The following ERICH1 variants were observed in gnomAD, a reference collection of about 807,000 sequenced individuals.
ERICH1 encodes the protein glutamate-rich protein 1.
In ERICH1, 56 loss-of-function variants were observed where a neutral mutation model predicts 39.6. The ratio of observed to expected loss-of-function variants is 1.41; its 90% CI spans 1.14 to 1.77. The LOEUF (loss-of-function observed/expected upper bound fraction) is 1.77, where lower values mean the gene tolerates loss of function less well. Among genes scored for constraint, ERICH1 ranks in the 40% most tolerant of loss-of-function variants. The pLI is 0.00. For missense variants in ERICH1, 826 were observed against 575.4 expected (o/e 1.44, Z -4.45); for synonymous variants, 313 against 223.6 (o/e 1.40, Z -3.57).
chr8:730,345 G>A (rs917880188), intron 1 of ERICH1, among the ~76,000 whole-genome samples: 3 of 152,090 alleles, frequency 2.0e-5, no homozygotes, highest in African/African-American at 7.2e-5. Flanking sequence ...ACTATAGTTT[G>A]CCATTATCTT....
chr8:702,405 T>C (rs1168972582), intron 2 of ERICH1, among the ~76,000 whole-genome samples: 7 of 152,082 alleles, frequency 4.6e-5, no homozygotes, highest in African/African-American at 1.4e-4. Flanking sequence ...TGTCCCTACG[T>C]TGAAATGTAC....
Position 664,427 on chromosome 8 carries a change from C to T in ERICH1, c.*176G>A. 2 of 1,248,392 alleles carry T rather than the reference C, an allele frequency of 1.6e-6. No homozygotes were observed. The highest frequency in any genetic ancestry group is 1.0e-6 in the Non-Finnish European group (1 of 995,602). The allele number at this position is 1,248,392 out of a possible 1,614,324, so 77.3% of individuals were successfully genotyped here. The stretch of plus-strand genomic sequence containing the variant: ...ATAAGTGAAAAATTTCCATTTTACC[C>T]CAATTTCTCATCTGAAGCCTCAGAT... On this transcript the variant is annotated 3_prime_UTR_variant, in exon 6 of 6. Transcript: ENST00000262109.
At chr8:676,885 A>G (rs1482305464) in intron 3 of ERICH1, among the ~76,000 whole-genome samples, 1 of 152,260 alleles carries the variant, frequency 6.6e-6, no homozygotes, top group Non-Finnish European at 1.5e-5. Context: ...TGAAGAATCA[A>G]GATGAAACAA....
At chr8:660,870 G>T (rs934154884), downstream of ERICH1, among the ~76,000 whole-genome samples, 1 of 152,060 alleles carries the variant, frequency 6.6e-6, no homozygotes, top group Non-Finnish European at 1.5e-5. Flanking sequence ...TCTCCTGGGT[G>T]GTTCTCGGGC....
At chr8:630,953 C>T (rs1361251451) in intron 3 of ERICH1, among the ~76,000 whole-genome samples, 2 of 151,648 alleles carry the variant, frequency 1.3e-5, no homozygotes, top group Non-Finnish European at 2.9e-5. Flanking sequence ...ACACACCCTC[C>T]TGTGAGCACC....
chr8:731,052 C>T, intron 1 of ERICH1, 88 bp downstream of exon 1: 2 of 1,342,174 alleles, frequency 1.5e-6, no homozygotes, highest in Non-Finnish European at 1.9e-6. Context: ...TGGAAAGGGG[C>T]CGGGGTCGGG....
At chr8:627,728 C>G (rs368294524) in intron 3 of ERICH1, among the ~76,000 whole-genome samples, 37 of 152,204 alleles carry the variant, frequency 2.4e-4, no homozygotes, top group African/African-American at 8.4e-4. Context: ...CCTGAGAGTT[C>G]CATGTTCAGC....
At chr8:630,428 CA>C (rs1797936041) in intron 3 of ERICH1, among the ~76,000 whole-genome samples, 1 of 132,692 alleles carries the variant, frequency 7.5e-6, no homozygotes, top group African/African-American at 3.0e-5. Context: ...ACCACCCACA[CA>C]GACAGAGATG....
At chr8:687,885 G>A (rs1240224342) in intron 3 of ERICH1, among the ~76,000 whole-genome samples, 1 of 152,112 alleles carries the variant, frequency 6.6e-6, no homozygotes, top group Non-Finnish European at 1.5e-5. Context: ...AACCGGCGCA[G>A]GCCTCCGAGG....
At position 616,927 on chromosome 8, in the gene ERICH1, A is replaced by G. The variant is rs1796951553; in HGVS notation, c.977-1643T>C. On this transcript the variant is annotated intron_variant, in intron 3 of 3. Coordinates refer to the ERICH1 transcript ENST00000522706. ...CAGAGAGAGAGAGAGAGACAGAAAG[A>G]GACAGAGAGAGAGAGGGAGAGGGAG... Among the ~76,000 whole-genome samples, 12 of 41,880 alleles carry G rather than the reference A, an allele frequency of 2.9e-4. 2 individuals carry two copies. The highest frequency in any genetic ancestry group is 2.4e-3 in the African/African-American group (11 of 4,502). 27.5% of individuals were successfully genotyped at this position (41,880 alleles called of 152,430 possible). A position where few individuals can be genotyped will look rare whatever the true frequency, so the allele number is the denominator to read the frequency against.
intron 3 of ERICH1, chr8:640,456 C>T (rs1363304813): frequency 2.0e-5 from 3 of 152,244 alleles, no homozygotes; most frequent in Non-Finnish European, 4.4e-5. Context: ...CCATGAGTCT[C>T]AGATGGCACA....
intron 3 of ERICH1, among the ~76,000 whole-genome samples, chr8:684,889 G>C (rs182164197): frequency 3.0e-4 from 45 of 152,248 alleles, no homozygotes; most frequent in African/African-American, 1.1e-3. Flanking sequence ...ATGCTTCACG[G>C]GCAATAAAAT....
chr8:681,776 A>C (rs1255448472), intron 3 of ERICH1, among the ~76,000 whole-genome samples: 7 of 152,240 alleles, frequency 4.6e-5, no homozygotes, highest in Admixed American at 1.3e-4. Flanking sequence ...GATGGCCAGC[A>C]GAGACTGCCC....
intron 2 of ERICH1, among the ~76,000 whole-genome samples, chr8:702,846 C>T (rs1339556797): frequency 6.6e-6 from 1 of 152,202 alleles, no homozygotes; most frequent in African/African-American, 2.4e-5. Flanking sequence ...GAGCTGGATG[C>T]CCCGGGAACC....
chr8:672,513 G>T (rs975188589), intron 4 of ERICH1, among the ~76,000 whole-genome samples: 1 of 151,994 alleles, frequency 6.6e-6, no homozygotes, highest in Non-Finnish European at 1.5e-5. Flanking sequence ...CTTAAATCTG[G>T]ATCTGCTAAA....
At chr8:649,590 ACC>A (rs1354674498) in intron 3 of ERICH1, among the ~76,000 whole-genome samples, 1 of 147,598 alleles carries the variant, frequency 6.8e-6, no homozygotes, top group Non-Finnish European at 1.5e-5. Flanking sequence ...CCAGCACCGT[ACC>A]TCTCTCGGGG....
At chr8:703,820 G>C (rs1812691844) in intron 2 of ERICH1, among the ~76,000 whole-genome samples, 1 of 152,224 alleles carries the variant, frequency 6.6e-6, no homozygotes, top group African/African-American at 2.4e-5. Flanking sequence ...CTCAATGTCT[G>C]AATGACAGGA....
intron 3 of ERICH1, among the ~76,000 whole-genome samples, chr8:683,376 G>A (rs986901545): frequency 1.3e-5 from 2 of 152,238 alleles, no homozygotes; most frequent in African/African-American, 4.8e-5. Context: ...CAGGGCCTCA[G>A]CCACCAAGGA....
At chr8:712,736 T>C (rs1238636783) in intron 2 of ERICH1, among the ~76,000 whole-genome samples, 1 of 152,260 alleles carries the variant, frequency 6.6e-6, no homozygotes, top group African/African-American at 2.4e-5. Context: ...CCACTTGTTC[T>C]TTGCTGACAT....
Sources: gnomAD v4.1 joint callset for allele counts (sites outside exome capture counted in the v4.1 genomes callset) on GRCh38, gnomAD v4.1.1 for gene constraint, MANE v1.5 for transcripts, NCBI Gene and HGNC (gene_info 2026-07-23, HGNC 2026-07-21) for gene names.